ENTREP2: variants seen among roughly 807,000 people sequenced by gnomAD.
The protein encoded by ENTREP2 is endosomal transmembrane epsin interactor 2, also known as protein ENTREP2.
chr15:29,631,027 C>A, the ENTREP2 span, among the ~76,000 whole-genome samples: 913 of 152,288 alleles, frequency 6.0e-3, 9 homozygotes, highest in African/African-American at 0.021. Flanking sequence ...TAATTTTATT[C>A]TCCGTCATCT....
At chr15:29,231,885 C>CTTTCTTTTTTTTT in the ENTREP2 span, among the ~76,000 whole-genome samples, 2 of 129,952 alleles carry the variant, frequency 1.5e-5, no homozygotes, top group African/African-American at 6.1e-5. Context: ...GTTTTCTTTT[C>CTTTCTTTTTTTTT]TTTTCTTTCT....
chr15:29,327,558 G>A, the ENTREP2 span, among the ~76,000 whole-genome samples: 1 of 147,970 alleles, frequency 6.8e-6, no homozygotes. Flanking sequence ...TTGCAACACT[G>A]CAGTCCAGGC....
At chr15:29,587,310 C>T in the ENTREP2 span, among the ~76,000 whole-genome samples, 1,230 of 152,028 alleles carry the variant, frequency 8.1e-3, 12 homozygotes, top group African/African-American at 0.028. Flanking sequence ...AGAGAAATGG[C>T]TGAGCTGAAG....
the ENTREP2 span, among the ~76,000 whole-genome samples, chr15:29,497,971 G>A: frequency 6.6e-6 from 1 of 152,076 alleles, no homozygotes; most frequent in Admixed American, 6.6e-5. Context: ...ATTTGGCTCT[G>A]TGTCCCCATG....
At chr15:29,409,343 T>G in the ENTREP2 span, among the ~76,000 whole-genome samples, 1 of 152,090 alleles carries the variant, frequency 6.6e-6, no homozygotes, top group Admixed American at 6.6e-5. Context: ...TAAAAATTAA[T>G]TTTTCTTTTT....
At chr15:29,297,979 T>C in the ENTREP2 span, among the ~76,000 whole-genome samples, 23 of 152,180 alleles carry the variant, frequency 1.5e-4, no homozygotes, top group African/African-American at 5.3e-4. Context: ...GTTTTTAAAC[T>C]TGTGGAACAT....
chr15:29,207,895 C>T, the ENTREP2 span, among the ~76,000 whole-genome samples: 5 of 152,132 alleles, frequency 3.3e-5, no homozygotes, highest in Admixed American at 2.6e-4. Flanking sequence ...TGTGGATGGG[C>T]GTGTCACTGA....
At chr15:29,171,751 G>A in the ENTREP2 span, among the ~76,000 whole-genome samples, 1 of 152,000 alleles carries the variant, frequency 6.6e-6, no homozygotes, top group Non-Finnish European at 1.5e-5. Context: ...GTTTTCATGT[G>A]GAATAATTGG....
chr15:29,328,534 T>C, the ENTREP2 span, among the ~76,000 whole-genome samples: 1 of 152,224 alleles, frequency 6.6e-6, no homozygotes, highest in Middle Eastern at 3.2e-3. Context: ...GAAAAGGTGC[T>C]GACTTAAGTA....
the ENTREP2 span, among the ~76,000 whole-genome samples, chr15:29,472,753 C>T: frequency 2.0e-5 from 3 of 152,272 alleles, no homozygotes; most frequent in East Asian, 1.9e-4. Context: ...GTGTGAGCCA[C>T]TGCACCCGGC....
At chr15:29,495,661 CA>C in the ENTREP2 span, among the ~76,000 whole-genome samples, 1 of 152,014 alleles carries the variant, frequency 6.6e-6, no homozygotes, top group African/African-American at 2.4e-5. Flanking sequence ...TAATTGAAAA[CA>C]ATGATCCTTT....
chr15:29,294,283 G>A, the ENTREP2 span, among the ~76,000 whole-genome samples: 1 of 152,206 alleles, frequency 6.6e-6, no homozygotes, highest in Non-Finnish European at 1.5e-5. Flanking sequence ...GCAATGTGTG[G>A]GCAGACTCCC....
chr15:29,445,433 G>C, the ENTREP2 span, among the ~76,000 whole-genome samples: 15 of 152,084 alleles, frequency 9.9e-5, no homozygotes, highest in Non-Finnish European at 1.0e-4. Context: ...CCTTAGGGAA[G>C]GGAAGAGGGG....
the ENTREP2 span, among the ~76,000 whole-genome samples, chr15:29,662,404 T>C: frequency 2.2e-3 from 334 of 152,216 alleles, 1 homozygote; most frequent in Non-Finnish European, 4.3e-3. Flanking sequence ...AAAAATCCGA[T>C]GTGAAGATTT....
the ENTREP2 span, among the ~76,000 whole-genome samples, chr15:29,142,490 G>A: frequency 6.6e-6 from 1 of 152,228 alleles, no homozygotes; most frequent in Non-Finnish European, 1.5e-5. Context: ...TCCCCAGAGT[G>A]CCCTCTCCAG....
chr15:29,256,690 CT>C, the ENTREP2 span, among the ~76,000 whole-genome samples: 4 of 152,052 alleles, frequency 2.6e-5, no homozygotes. Context: ...TTCATTTTTT[CT>C]TGTTTAAGAA....
At chr15:29,372,417 A>C in the ENTREP2 span, among the ~76,000 whole-genome samples, 3 of 152,334 alleles carry the variant, frequency 2.0e-5, no homozygotes, top group East Asian at 5.8e-4. Context: ...GTGTTAGTTG[A>C]CTATGTGATC....
the ENTREP2 span, among the ~76,000 whole-genome samples, chr15:29,188,792 C>T: frequency 6.6e-6 from 1 of 152,166 alleles, no homozygotes; most frequent in Admixed American, 6.5e-5. Context: ...TTCAGCCCCA[C>T]TCCCCATTCT....
At chr15:29,205,752 C>T in the ENTREP2 span, among the ~76,000 whole-genome samples, 4 of 152,188 alleles carry the variant, frequency 2.6e-5, no homozygotes, top group African/African-American at 4.8e-5. Context: ...TAAATATTTT[C>T]ACCCACGGAG....
Sources: allele counts gnomAD v4.1 joint callset (sites outside exome capture counted in the v4.1 genomes callset), GRCh38; gene constraint gnomAD v4.1.1; transcripts MANE v1.5; gene names NCBI Gene and HGNC (gene_info 2026-07-23, HGNC 2026-07-21).